Variants in CABLES1 observed in about 807,000 individuals in gnomAD.
CABLES1 encodes the protein Cdk5 and Abl enzyme substrate 1, also known as CDK5 and ABL1 enzyme substrate 1.
A neutral mutation model predicts 57.8 loss-of-function variants in CABLES1; 36 were observed. That is an observed-to-expected ratio of 0.62 (90% CI 0.48 to 0.82). CABLES1 has a LOEUF of 0.82. Among genes scored for constraint, CABLES1 ranks in the 40% least tolerant of loss-of-function variants. CABLES1 has a pLI of 0.00. For synonymous variants in CABLES1, 374 were observed against 363.0 expected, an observed-to-expected ratio of 1.03 and a Z score of -0.35; for missense variants, 767 against 836.6, an observed-to-expected ratio of 0.92 and a Z score of 1.03.
Position 23,252,352 on chromosome 18 carries a change from G to A in CABLES1, c.1447-608G>A, listed in dbSNP as rs191128349. On this transcript the variant is annotated intron_variant, in intron 7 of 9. Coordinates refer to ENST00000256925, the MANE Select transcript of CABLES1 (RefSeq NM_001100619.3). ...CCACTGAATGGTACGCCTAGAAATG[G>A]TTAAGATGGTAAATTGTATGTGATG... 8.5e-5 allele frequency among the ~76,000 whole-genome samples: 13 copies of A among 152,304 alleles called. No homozygotes were observed. The East Asian group carries it at 2.5e-3, about 29-fold the overall frequency.
chr18:23,208,060 C>T (rs964561957), intron 3 of CABLES1, among the ~76,000 whole-genome samples: 2 of 152,218 alleles, frequency 1.3e-5, no homozygotes, highest in Admixed American at 6.5e-5. Context: ...CCTGTTCCCA[C>T]CTGTTACAAT....
intron 1 of CABLES1, among the ~76,000 whole-genome samples, chr18:23,145,648 G>A (rs1053316988): frequency 6.6e-6 from 1 of 152,062 alleles, no homozygotes; most frequent in African/African-American, 2.4e-5. Flanking sequence ...TATTACATAC[G>A]GGAATCATGA....
At chr18:23,246,565 G>A (rs1022373192) in intron 7 of CABLES1, among the ~76,000 whole-genome samples, 2 of 151,778 alleles carry the variant, frequency 1.3e-5, no homozygotes, top group Non-Finnish European at 2.9e-5. Context: ...CTAATTTTTT[G>A]TGTTTTTAGT....
At chr18:23,137,797 A>T (rs1258916072) in intron 1 of CABLES1, among the ~76,000 whole-genome samples, 1 of 152,172 alleles carries the variant, frequency 6.6e-6, no homozygotes, top group Non-Finnish European at 1.5e-5. Context: ...GGTGCTAGTT[A>T]TGTAGCCTCG....
chr18:23,179,291 A>G (rs1378529024), intron 1 of CABLES1, among the ~76,000 whole-genome samples: 3 of 152,188 alleles, frequency 2.0e-5, no homozygotes. Context: ...AAAAAAATAA[A>G]GAAAAAACGG....
intron 9 of CABLES1, among the ~76,000 whole-genome samples, chr18:23,254,477 AG>A (rs1479696103): frequency 6.6e-6 from 1 of 152,264 alleles, no homozygotes; most frequent in East Asian, 1.9e-4. Context: ...TTTGAGGTAC[AG>A]TAAAGCCAAC....
At chr18:23,143,900 T>A (rs1427278672) in intron 1 of CABLES1, among the ~76,000 whole-genome samples, 3 of 152,232 alleles carry the variant, frequency 2.0e-5, no homozygotes, top group Admixed American at 6.5e-5. Flanking sequence ...ATTCCTGGTA[T>A]TTCAGGCGAG....
At chr18:23,169,140 A>T (rs1024519115) in intron 1 of CABLES1, among the ~76,000 whole-genome samples, 2 of 152,210 alleles carry the variant, frequency 1.3e-5, no homozygotes, top group African/African-American at 4.8e-5. Context: ...ATGACAGTTT[A>T]CAGATGCCGT....
chr18:23,234,926 G>C (rs1463782687), intron 5 of CABLES1, among the ~76,000 whole-genome samples: 1 of 152,262 alleles, frequency 6.6e-6, no homozygotes, highest in African/African-American at 2.4e-5. Flanking sequence ...TTCTCTGTCA[G>C]TGCTGTTTAC....
chr18:23,169,698 G>T (rs2047068707), intron 1 of CABLES1, among the ~76,000 whole-genome samples: 1 of 152,216 alleles, frequency 6.6e-6, no homozygotes, highest in South Asian at 2.1e-4. Flanking sequence ...GAAGCTAAAA[G>T]AGCTTGCTTT....
At chr18:23,185,365 C>A (rs2047195164) in intron 1 of CABLES1, among the ~76,000 whole-genome samples, 1 of 152,184 alleles carries the variant, frequency 6.6e-6, no homozygotes, top group South Asian at 2.1e-4. Context: ...GCAGGGGCTT[C>A]AGAGACTGTT....
intron 4 of CABLES1, among the ~76,000 whole-genome samples, chr18:23,223,049 C>T (rs903720893): frequency 6.6e-6 from 1 of 152,190 alleles, no homozygotes; most frequent in African/African-American, 2.4e-5. Context: ...AATACTTGCA[C>T]CCTGAATGTT....
intron 4 of CABLES1, among the ~76,000 whole-genome samples, chr18:23,218,922 G>A (rs1699378338): frequency 6.6e-6 from 1 of 152,210 alleles, no homozygotes; most frequent in South Asian, 2.1e-4. Context: ...ACAATGGAGG[G>A]TGGGCAGGGA....
At chr18:23,228,709 C>G (rs1377750561) in intron 4 of CABLES1, among the ~76,000 whole-genome samples, 1 of 149,812 alleles carries the variant, frequency 6.7e-6, no homozygotes, top group Non-Finnish European at 1.5e-5. Flanking sequence ...CCCACTCCCC[C>G]ACCCCCGTGG....
intron 1 of CABLES1, among the ~76,000 whole-genome samples, chr18:23,168,936 A>G (rs962346838): frequency 2.0e-5 from 3 of 152,240 alleles, no homozygotes; most frequent in African/African-American, 4.8e-5. Context: ...GCTGAGACCT[A>G]CTGGGCTGCA....
intron 7 of CABLES1, among the ~76,000 whole-genome samples, chr18:23,252,480 CAGAA>C (rs2048062696): frequency 6.6e-6 from 1 of 152,208 alleles, no homozygotes; most frequent in Non-Finnish European, 1.5e-5. Context: ...ATACAGTTCT[CAGAA>C]AGCTGCGTGA....
intron 3 of CABLES1, chr18:23,204,769 G>C (rs184554761): frequency 6.6e-6 from 1 of 152,376 alleles, no homozygotes; most frequent in African/African-American, 2.4e-5. Flanking sequence ...GCAGGCAAGA[G>C]AGAATGAAAG....
intron 1 of CABLES1, among the ~76,000 whole-genome samples, chr18:23,156,732 A>G (rs2046968576): frequency 1.3e-5 from 2 of 151,970 alleles, no homozygotes; most frequent in South Asian, 4.2e-4. Flanking sequence ...TATATTATTG[A>G]CTCTTCATTG....
At chr18:23,178,421 G>A (rs2047140550) in intron 1 of CABLES1, among the ~76,000 whole-genome samples, 1 of 152,178 alleles carries the variant, frequency 6.6e-6, no homozygotes, top group South Asian at 2.1e-4. Context: ...AGGGACCCTG[G>A]GCTGGCCGCC....
Sources: gnomAD v4.1 joint callset for allele counts (sites outside exome capture counted in the v4.1 genomes callset) on GRCh38, gnomAD v4.1.1 for gene constraint, MANE v1.5 for transcripts, NCBI Gene and HGNC (gene_info 2026-07-23, HGNC 2026-07-21) for gene names.